The following NCKAP5 variants were observed in gnomAD, a reference collection of about 807,000 sequenced individuals.
The protein encoded by NCKAP5 is NCK associated protein 5, also known as nck-associated protein 5.
In NCKAP5, 92 loss-of-function variants were observed where a neutral mutation model predicts 167.0. That is an observed-to-expected ratio of 0.55 (90% CI 0.47 to 0.66). NCKAP5 has a LOEUF of 0.66. Among genes scored for constraint, NCKAP5 ranks in the 30% least tolerant of loss-of-function variants. NCKAP5 has a pLI of 0.00. For missense variants in NCKAP5, 2,378 were observed against 2,315.0 expected (o/e 1.03, Z -0.56); for synonymous variants, 891 against 877.4 (o/e 1.02, Z -0.27).
At chr2:133,260,979 A>G (rs911509835) in intron 4 of NCKAP5, among the ~76,000 whole-genome samples, 1 of 152,238 alleles carries the variant, frequency 6.6e-6, no homozygotes, top group Non-Finnish European at 1.5e-5. Flanking sequence ...CATTAATAGA[A>G]AAAATAAACC....
intron 16 of NCKAP5, among the ~76,000 whole-genome samples, chr2:132,745,944 G>A (rs1213352740): frequency 6.6e-6 from 1 of 151,950 alleles, no homozygotes; most frequent in Non-Finnish European, 1.5e-5. Flanking sequence ...CATAAATGGA[G>A]AGATCTGCCA....
At chr2:132,752,855 T>C (rs1680231784) in intron 16 of NCKAP5, among the ~76,000 whole-genome samples, 1 of 152,076 alleles carries the variant, frequency 6.6e-6, no homozygotes, top group African/African-American at 2.4e-5. Context: ...TCAAGACCCA[T>C]GAAGAGCTGA....
chr2:133,066,822 C>T (rs745430633), intron 6 of NCKAP5, among the ~76,000 whole-genome samples: 3 of 152,122 alleles, frequency 2.0e-5, no homozygotes, highest in Non-Finnish European at 4.4e-5. Context: ...ACTTCTACCA[C>T]AAGTGACCTC....
At chr2:132,982,814 A>G (rs1317300902) in intron 7 of NCKAP5, among the ~76,000 whole-genome samples, 1 of 152,176 alleles carries the variant, frequency 6.6e-6, no homozygotes, top group African/African-American at 2.4e-5. Context: ...ATGGCTTCCA[A>G]CTGCATCCAT....
intron 7 of NCKAP5, among the ~76,000 whole-genome samples, chr2:132,967,832 T>A (rs2076716697): frequency 6.6e-6 from 1 of 152,162 alleles, no homozygotes; most frequent in Admixed American, 6.5e-5. Context: ...TGGTAAATGC[T>A]ATGAAGAAAA....
chr2:133,446,678 C>T (rs952095271), intron 3 of NCKAP5, among the ~76,000 whole-genome samples: 1 of 152,096 alleles, frequency 6.6e-6, no homozygotes, highest in African/African-American at 2.4e-5. Flanking sequence ...CTGGAATGAC[C>T]AGATGAAGAT....
intron 11 of NCKAP5, among the ~76,000 whole-genome samples, chr2:132,822,438 A>T (rs1165804805): frequency 2.6e-4 from 40 of 152,134 alleles, no homozygotes. Flanking sequence ...TGCTGCATGG[A>T]TAGACCCAGA....
chr2:133,345,828 A>G lies in NCKAP5; in HGVS notation c.70-42718T>C, dbSNP rs138323477. Reference sequence around the variant, plus strand: ...GGGGATAAAGGAAGTGCAGTTACTGAAGGCCAGGGTGTTGGGAAATTCCTA... The same window carrying G: ...GGGGATAAAGGAAGTGCAGTTACTGGAGGCCAGGGTGTTGGGAAATTCCTA... On this transcript the variant is annotated intron_variant, in intron 3 of 19. Transcript: ENST00000409261. Among the ~76,000 whole-genome samples, 1,103 of 152,250 alleles carry G rather than the reference A, an allele frequency of 7.2e-3. 16 individuals are homozygous for G. Among genetic ancestry groups the G allele is most frequent in the African/African-American group, 0.023 (968 of 41,536 alleles).
At chr2:133,352,709 G>C (rs1684450594) in intron 3 of NCKAP5, among the ~76,000 whole-genome samples, 1 of 152,226 alleles carries the variant, frequency 6.6e-6, no homozygotes, top group Non-Finnish European at 1.5e-5. Flanking sequence ...AGAATGCTCT[G>C]CCCAGGTGGG....
rs1444366863 is a variant in NCKAP5 at position 133,541,433 on chromosome 2, C to T, written c.-62+17617G>A. 2.6e-5 allele frequency among the ~76,000 whole-genome samples: 4 copies of T among 152,016 alleles called. No individual in the cohort carries two copies. The East Asian group carries it at 7.7e-4, about 29-fold the overall frequency. ...AGTAATAAAATTAAATCAAAGATGG[C>T]TACAATAATTTAAATACATTTTATG... On this transcript the variant is annotated intron_variant, in intron 2 of 19. Coordinates refer to ENST00000409261, the MANE Select transcript of NCKAP5 (RefSeq NM_207363.3).
At chr2:132,823,732 C>G (rs1686929745) in intron 11 of NCKAP5, among the ~76,000 whole-genome samples, 1 of 152,062 alleles carries the variant, frequency 6.6e-6, no homozygotes. Flanking sequence ...ATGTAAATAG[C>G]CTAAATGCTC....
chr2:133,516,029 G>A (rs1452349678), intron 3 of NCKAP5, among the ~76,000 whole-genome samples: 1 of 152,196 alleles, frequency 6.6e-6, no homozygotes, highest in African/African-American at 2.4e-5. Flanking sequence ...AGAAATCTAT[G>A]GCTTTGGGGA....
chr2:133,138,735 A>G (rs56338425), intron 5 of NCKAP5, among the ~76,000 whole-genome samples: 4,617 of 152,274 alleles, frequency 0.03, 213 homozygotes, highest in African/African-American at 0.1. Flanking sequence ...CTCTCATACC[A>G]GAAGAAGGGC....
At chr2:133,548,724 G>A (rs1393104330) in intron 2 of NCKAP5, among the ~76,000 whole-genome samples, 1 of 152,004 alleles carries the variant, frequency 6.6e-6, no homozygotes, top group Non-Finnish European at 1.5e-5. Flanking sequence ...AGCTCCTGAA[G>A]GAAGCGCTAA....
chr2:133,666,936 C>G, the NCKAP5 span, among the ~76,000 whole-genome samples: 1 of 151,956 alleles, frequency 6.6e-6, no homozygotes, highest in Non-Finnish European at 1.5e-5. Flanking sequence ...GTTGCAGGAT[C>G]TGTAAAAACC....
At position 132,784,599 on chromosome 2, in the gene NCKAP5, C is replaced by T; in HGVS notation, c.2212G>A (p.Asp738Asn). ...DYTFFKRSEE[D>N]TEKNIPKDNV... Reference sequence around the variant, plus strand: ...TCTTTTGGAATGTTTTTCTCAGTGTCCTCTTCAGACCTTTTAAAGAAAGTA... The same window carrying T: ...TCTTTTGGAATGTTTTTCTCAGTGTTCTCTTCAGACCTTTTAAAGAAAGTA... Residue 738 changes from aspartate to asparagine, a missense_variant, in exon 14 of 20, where the codon GAC becomes AAC. Asp to Asn is a conservative substitution (Grantham distance 23). Coordinates refer to ENST00000409261, the MANE Select transcript of NCKAP5 (RefSeq NM_207363.3). 2.5e-6 allele frequency: 4 copies of T among 1,601,494 alleles called. No individual in the cohort carries two copies. Among genetic ancestry groups the T allele is most frequent in the Non-Finnish European group, 3.4e-6 (4 of 1,173,522 alleles).
intron 3 of NCKAP5, among the ~76,000 whole-genome samples, chr2:133,471,533 G>A (rs1679311216): frequency 6.6e-6 from 1 of 152,030 alleles, no homozygotes; most frequent in African/African-American, 2.4e-5. Context: ...AACCTGGGAG[G>A]GGAGGGGGGA....
chr2:132,764,331 T>A (rs1681265286), intron 16 of NCKAP5, among the ~76,000 whole-genome samples: 1 of 152,214 alleles, frequency 6.6e-6, no homozygotes, highest in African/African-American at 2.4e-5. Flanking sequence ...GGTCAGAAGA[T>A]ATCACATGGT....
intron 6 of NCKAP5, among the ~76,000 whole-genome samples, chr2:133,071,023 A>G (rs1193853017): frequency 1.3e-5 from 2 of 152,188 alleles, no homozygotes; most frequent in African/African-American, 4.8e-5. Flanking sequence ...TCAATCATAT[A>G]TCCATCAATT....
Sources: allele counts gnomAD v4.1 joint callset (sites outside exome capture counted in the v4.1 genomes callset), GRCh38; gene constraint gnomAD v4.1.1; transcripts MANE v1.5; gene names NCBI Gene and HGNC (gene_info 2026-07-23, HGNC 2026-07-21).